SLC5A11: variants seen among roughly 807,000 people sequenced by gnomAD.
The protein encoded by SLC5A11 is solute carrier family 5 member 11.
In SLC5A11, 48 loss-of-function variants were observed where a neutral mutation model predicts 69.8. That is an observed-to-expected ratio of 0.69 (90% CI 0.55 to 0.87). The LOEUF (loss-of-function observed/expected upper bound fraction) is 0.87, where lower values mean the gene tolerates loss of function less well. SLC5A11 is among the 40% of genes least tolerant of loss of function. The probability of loss-of-function intolerance (pLI) is 0.00; values close to 1 mark genes in which losing one functional copy is unlikely to be tolerated. For missense variants in SLC5A11, 784 were observed against 866.1 expected (o/e 0.91, Z 1.19); for synonymous variants, 319 against 342.4 (o/e 0.93, Z 0.75).
At chr16:24,848,855 G>A (rs1187181479) in intron 1 of SLC5A11, among the ~76,000 whole-genome samples, 1 of 152,150 alleles carries the variant, frequency 6.6e-6, no homozygotes, top group Non-Finnish European at 1.5e-5. Context: ...GGGGAGGTAA[G>A]ACTGGAGGGT....
chr16:24,861,697 G>C (rs1263906162), intron 2 of SLC5A11, among the ~76,000 whole-genome samples: 4 of 139,274 alleles, frequency 2.9e-5, no homozygotes, highest in African/African-American at 5.4e-5. Flanking sequence ...AGGAAGGAAG[G>C]GAGGGAAAAG....
intron 1 of SLC5A11, among the ~76,000 whole-genome samples, chr16:24,848,593 G>A (rs1688918483): frequency 6.6e-6 from 1 of 152,142 alleles, no homozygotes; most frequent in African/African-American, 2.4e-5. Context: ...CCAGGCAACA[G>A]AGTGAAACCC....
At chr16:24,899,108 A>G (rs1549240) in intron 10 of SLC5A11, among the ~76,000 whole-genome samples, 61,818 of 151,976 alleles carry the variant, frequency 0.41, 13,298 homozygotes, top group Non-Finnish European at 0.49. Context: ...ATGAGCCACC[A>G]TGCCTGGCCA....
intron 9 of SLC5A11, among the ~76,000 whole-genome samples, chr16:24,894,794 C>T (rs759088375): frequency 1.8e-4 from 27 of 147,314 alleles, no homozygotes; most frequent in African/African-American, 4.5e-4. Flanking sequence ...AGCGAGACTC[C>T]GTCCCAAAAA....
At chr16:24,873,247 G>GAGGAAGGA (rs549215226) in intron 5 of SLC5A11, among the ~76,000 whole-genome samples, 8,934 of 101,344 alleles carry the variant, frequency 0.088, 541 homozygotes, top group East Asian at 0.11. Context: ...GAGAGGGAGG[G>GAGGAAGGA]AGGAAGGAAG....
chr16:24,911,545 C>T, exon 16 of SLC5A11: 1 of 1,613,652 alleles, frequency 6.2e-7, no homozygotes, highest in Middle Eastern at 1.6e-4. Context: ...GTGGGGTGAA[C>T]CCAGGGGTCC....
At position 24,910,300 on chromosome 16, in the gene SLC5A11, C is replaced by A. The variant is rs762597103; in HGVS notation, c.1651-6C>A. 1.6e-5 allele frequency: 26 copies of A among 1,613,736 alleles called. No homozygotes were observed. The South Asian group carries it at 2.7e-4, about 17-fold the overall frequency. On this transcript the variant is annotated splice_polypyrimidine_tract_variant and splice_region_variant and intron_variant, in intron 14 of 15. Coordinates refer to ENST00000347898, the Ensembl canonical transcript of SLC5A11. The stretch of plus-strand genomic sequence containing the variant: ...ACAAATCTCATCATTCATCCCTGCT[C>A]CTTAGGTCAGCCACCTGACCTGGTT...
intron 5 of SLC5A11, among the ~76,000 whole-genome samples, chr16:24,874,896 A>G (rs996771098): frequency 5.9e-5 from 9 of 151,862 alleles, no homozygotes; most frequent in African/African-American, 1.7e-4. Flanking sequence ...ACTGTTTTTA[A>G]TTGGCAACTC....
intron 9 of SLC5A11, 59 bp downstream of exon 10, chr16:24,891,133 C>A: frequency 6.4e-7 from 1 of 1,553,364 alleles, no homozygotes; most frequent in Non-Finnish European, 8.8e-7. Flanking sequence ...CTTAGGGTGG[C>A]TGAAGTCGGT....
chr16:24,851,324 C>A (rs1378735416), intron 1 of SLC5A11, among the ~76,000 whole-genome samples: 1 of 150,598 alleles, frequency 6.6e-6, no homozygotes, highest in Non-Finnish European at 1.5e-5. Context: ...ACCAGCCTGG[C>A]CAACATGGTG....
intron 8 of SLC5A11, among the ~76,000 whole-genome samples, chr16:24,888,478 C>CT (rs891552223): frequency 0.03 from 2,430 of 81,424 alleles, 66 homozygotes; most frequent in African/African-American, 0.049. Flanking sequence ...GTATCTATTT[C>CT]TTTTTTTTTT....
chr16:24,910,157 C>G (rs1366760747), intron 14 of SLC5A11, 149 bp from the exon 16 acceptor site: 7 of 614,744 alleles, frequency 1.1e-5, no homozygotes, highest in Non-Finnish European at 1.8e-5. Flanking sequence ...GAACATGATG[C>G]TTGTTGGAGG....
At chr16:24,872,177 G>T in exon 5 of SLC5A11, 1 of 1,614,174 alleles carries the variant, frequency 6.2e-7, no homozygotes, top group Non-Finnish European at 8.5e-7. Context: ...TTTCTGTGCT[G>T]ATGTTGGCCT....
chr16:24,893,824 G>A lies in SLC5A11; in HGVS notation c.870+2750G>A, dbSNP rs190244605. On this transcript the variant is annotated intron_variant, in intron 9 of 15. Coordinates refer to ENST00000347898, the Ensembl canonical transcript of SLC5A11. ...TGACCTCAAGTGATCCACCCACCTC[G>A]GCCTCCCAAACTGCTGGGATTACAG... is the stretch of plus-strand genomic sequence containing the variant. 1.0e-3 allele frequency among the ~76,000 whole-genome samples: 152 copies of A among 152,082 alleles called. 1 individual carries two copies. The highest frequency in any genetic ancestry group is 3.4e-3 in the African/African-American group (142 of 41,514).
intron 7 of SLC5A11, among the ~76,000 whole-genome samples, chr16:24,879,465 G>T (rs2047902890): frequency 6.6e-6 from 1 of 152,140 alleles, no homozygotes; most frequent in South Asian, 2.1e-4. Context: ...GGCCAGGCAT[G>T]GTGGCTCACT....
chr16:24,858,840 G>A (rs542264177), intron 2 of SLC5A11, 62 bp downstream of exon 3: 674 of 1,540,280 alleles, frequency 4.4e-4, no homozygotes, highest in Non-Finnish European at 4.9e-4. Flanking sequence ...TTAGAGGTCC[G>A]GAGTTAACCT....
rs1453723509 is a variant in SLC5A11, at chr16:24,890,068, A to G, written c.665-801A>G. On this transcript the variant is annotated intron_variant, in intron 8 of 15. Coordinates refer to ENST00000347898, the Ensembl canonical transcript of SLC5A11. ...AATAGAAGAAAAGGCATACAAATTT[A>G]TTAGCACACACAGGGGAGAATTACA... 4.6e-5 allele frequency among the ~76,000 whole-genome samples: 7 copies of G among 152,306 alleles called. No individual in the cohort carries two copies. The East Asian group carries it at 1.4e-3, about 29-fold the overall frequency.
intron 8 of SLC5A11, among the ~76,000 whole-genome samples, chr16:24,887,191 T>C (rs1217461272): frequency 6.6e-6 from 1 of 152,044 alleles, no homozygotes; most frequent in Admixed American, 6.6e-5. Flanking sequence ...AAAGACTTAG[T>C]AAAGGGAGGA....
rs767390254 is a variant in SLC5A11 at position 24,872,226 on chromosome 16, CG to C, written c.372+12del. 4.3e-6 allele frequency: 7 copies of C among 1,614,040 alleles called. No homozygotes were observed. In the African/African-American group the frequency reaches 8.0e-5, roughly 18 times the overall value. On this transcript the variant is annotated splice_region_variant and intron_variant, in intron 5 of 15. Transcript: ENST00000347898. ...CATCTACATTGCTGGTCAGGTGAGTCGGGGGACATTGGGATGCTGTAGAATT... is the reference window on the plus strand; with the variant it reads ...CATCTACATTGCTGGTCAGGTGAGTCGGGGACATTGGGATGCTGTAGAATT...
Sources: allele counts gnomAD v4.1 joint callset (sites outside exome capture counted in the v4.1 genomes callset), GRCh38; gene constraint gnomAD v4.1.1; transcripts MANE v1.5; gene names NCBI Gene and HGNC (gene_info 2026-07-23, HGNC 2026-07-21).